ATP5PF: variants seen among roughly 807,000 people sequenced by gnomAD.
ATP5PF encodes ATP synthase peripheral stalk subunit F6, mitochondrial.
In ATP5PF, 7 loss-of-function variants were observed where a neutral mutation model predicts 12.0. The ratio of observed to expected loss-of-function variants is 0.58; its 90% confidence interval spans 0.33 to 1.10. ATP5PF has a LOEUF of 1.10. ATP5PF is among the 50% of genes least tolerant of loss of function. The pLI is 0.03. For synonymous variants in ATP5PF, 41 were observed against 45.4 expected, an observed-to-expected ratio of 0.90 and a Z score of 0.39; for missense variants, 120 against 127.7, an observed-to-expected ratio of 0.94 and a Z score of 0.29.
Position 25,725,330 on chromosome 21 carries a change from T to C in ATP5PF, c.185A>G (p.Asp62Gly). The C allele has an allele frequency of 6.2e-7, 1 of 1,606,206 alleles. No individual in the cohort carries two copies. The highest frequency in any genetic ancestry group is 1.7e-5 in the Admixed American group (1 of 57,864). The change falls in exon 3 of 4, where the codon GAT (aspartate) becomes GGT (glycine). Residue 62 changes from aspartate (D) to glycine (G), a missense_variant. Physicochemically the swap from Asp to Gly is moderately conservative, Grantham distance 94 (BLOSUM62 -1). Transcript: ENST00000284971. ...SKRQTSGGPVDASSEYQQELE... is the reference protein window; with the variant it reads ...SKRQTSGGPVGASSEYQQELE... The stretch of plus-strand genomic sequence containing the variant: ...CTCTTGCTGATACTCTGAACTAGCA[T>C]CAACAGGTCCTCCAGATGTCCTGTT...
At chr21:25,728,621 A>T (rs181858665) in intron 2 of ATP5PF, among the ~76,000 whole-genome samples, 38 of 152,344 alleles carry the variant, frequency 2.5e-4, no homozygotes, top group Admixed American at 2.4e-3. Context: ...TGCTATAAGG[A>T]AAATGATGTG....
chr21:25,731,428 C>T (rs1466437652), intron 1 of ATP5PF, among the ~76,000 whole-genome samples: 1 of 151,418 alleles, frequency 6.6e-6, no homozygotes, highest in Admixed American at 6.6e-5. Context: ...CAGACAGGGT[C>T]TCACTCTGTT....
upstream of ATP5PF, chr21:25,734,966 C>T (rs369659239): frequency 6.4e-7 from 1 of 1,568,638 alleles, no homozygotes. Flanking sequence ...TATGGGCCGC[C>T]GTTTCAGTCG....
Position 25,729,719 on chromosome 21 carries a change from C to T in ATP5PF, c.76G>A (p.Gly26Ser). ...AVSVHLRRNI[G>S]VTAVAFNKEL... ...TTATTAAATGCCACTGCTGTAACAC[C>T]AATGTTCCTCCGCAAATGGACTGAG... The change falls in exon 2 of 4, where the codon GGT (glycine) becomes AGT (serine). Residue 26 changes from glycine to serine, a missense_variant. Physicochemically the swap from Gly to Ser is moderately conservative, Grantham distance 56. Transcript: ENST00000284971. The T allele has an allele frequency of 6.2e-7, 1 of 1,613,844 alleles. No homozygotes were observed. The highest frequency in any genetic ancestry group is 8.5e-7 in the Non-Finnish European group (1 of 1,179,988).
intron 3 of ATP5PF, chr21:25,724,979 G>A: frequency 1.7e-6 from 1 of 597,374 alleles, no homozygotes; most frequent in Non-Finnish European, 2.8e-6. Flanking sequence ...AGCTGAAAGT[G>A]ATTATAAGGA....
In ATP5PF at chr21:25,729,589, T is replaced by A. The variant is rs1324116203; in HGVS notation, c.164+42A>T. The A allele has an allele frequency of 3.1e-6, 3 of 978,710 alleles. No individual in the cohort carries two copies. The African/African-American group carries it at 1.3e-4, about 43-fold the overall frequency. The allele number at this position is 978,710 out of a possible 1,614,324, so 60.6% of individuals were successfully genotyped here. ...TATTACCACCTTGAAACTTACATAC[T>A]TTGAATATTTATATTTACACTGTAG... On this transcript the variant is annotated intron_variant, in intron 2 of 3. Transcript: ENST00000284971.
intron 2 of ATP5PF, among the ~76,000 whole-genome samples, chr21:25,725,652 A>G (rs1414748454): frequency 6.6e-6 from 1 of 152,056 alleles, no homozygotes; most frequent in Non-Finnish European, 1.5e-5. Flanking sequence ...GTTAACCAGG[A>G]TGGTCTCGAT....
At chr21:25,727,512 T>C (rs2034648750) in intron 2 of ATP5PF, among the ~76,000 whole-genome samples, 2 of 152,340 alleles carry the variant, frequency 1.3e-5, no homozygotes, top group South Asian at 4.1e-4. Flanking sequence ...ATGAGAAAAC[T>C]GTCCTACAGA....
intron 1 of ATP5PF, among the ~76,000 whole-genome samples, chr21:25,732,648 A>C (rs2123456077): frequency 6.7e-6 from 1 of 150,012 alleles, no homozygotes; most frequent in Non-Finnish European, 1.5e-5. Context: ...CCTGTCTCAA[A>C]AAAAAAAAAA....
rs1228465206 is a variant in ATP5PF, at chr21:25,733,047, C to G, written c.-8+1806G>C. Among the ~76,000 whole-genome samples, 4 of 142,918 alleles carry G rather than the reference C, an allele frequency of 2.8e-5. 1 individual carries two copies. The highest frequency in any genetic ancestry group is 1.0e-4 in the African/African-American group (4 of 38,610). 93.8% of individuals were successfully genotyped at this position (142,918 alleles called of 152,430 possible). A position where few individuals can be genotyped will look rare whatever the true frequency, so the allele number is the denominator to read the frequency against. On this transcript the variant is annotated intron_variant, in intron 1 of 3. Coordinates refer to ENST00000284971, the MANE Select transcript of ATP5PF (RefSeq NM_001003703.2). ...CTATCAATGCAATCAACAAAATATG[C>G]TTCACCTGACAGAATGAAAGCAAAC... is the stretch of plus-strand genomic sequence containing the variant.
chr21:25,725,548 T>C (rs971534297), intron 2 of ATP5PF, among the ~76,000 whole-genome samples, 198 bp from the exon 3 acceptor site: 7 of 152,094 alleles, frequency 4.6e-5, no homozygotes, highest in African/African-American at 1.4e-4. Flanking sequence ...CAAGCGATTC[T>C]CCTGTCTCAG....
chr21:25,731,436 G>A lies in ATP5PF; in HGVS notation c.-7-1635C>T, dbSNP rs1568930677. Reference sequence around the variant, plus strand: ...TTTTTTTCAGACAGGGTCTCACTCTGTTGCCCAGAATGAACACGGCTCACT... The same window carrying A: ...TTTTTTTCAGACAGGGTCTCACTCTATTGCCCAGAATGAACACGGCTCACT... On this transcript the variant is annotated intron_variant, in intron 1 of 3. Transcript: ENST00000284971. 4.6e-5 allele frequency among the ~76,000 whole-genome samples: 7 copies of A among 151,276 alleles called. 1 individual carries two copies. The South Asian group carries it at 1.5e-3, about 32-fold the overall frequency.
In ATP5PF at chr21:25,732,714, C is replaced by T. The variant is rs187399010; in HGVS notation, c.-8+2139G>A. 4.8e-3 allele frequency among the ~76,000 whole-genome samples: 725 copies of T among 151,534 alleles called. 5 individuals carry two copies. Among genetic ancestry groups the T allele is most frequent in the Non-Finnish European group, 7.7e-3 (524 of 67,876 alleles). On this transcript the variant is annotated intron_variant, in intron 1 of 3. Coordinates refer to ENST00000284971, the MANE Select transcript of ATP5PF (RefSeq NM_001003703.2). ...GGCGTGATGGCTCACGCCTGTAATC[C>T]CAGCACTTTGTTGTAATCCCAGCAC...
upstream of ATP5PF, chr21:25,734,968 T>C: frequency 6.4e-7 from 1 of 1,567,428 alleles, no homozygotes; most frequent in Non-Finnish European, 8.6e-7. Context: ...TGGGCCGCCG[T>C]TTCAGTCGGT....
intron 1 of ATP5PF, among the ~76,000 whole-genome samples, chr21:25,734,164 T>C (rs2034909547): frequency 6.6e-6 from 1 of 152,156 alleles, no homozygotes; most frequent in Admixed American, 6.5e-5. Flanking sequence ...AGCTGTGAAA[T>C]ACCACCTGAC....
chr21:25,733,100 CAT>C lies in ATP5PF; in HGVS notation c.-8+1751_-8+1752del, dbSNP rs537638487. ...TTTGAAGAAATTAAAGAATTCATAACATATCACTTTTATACCCCATCAGGGAA... is the reference window on the plus strand; with the variant it reads ...TTTGAAGAAATTAAAGAATTCATAACATCACTTTTATACCCCATCAGGGAA... On this transcript the variant is annotated intron_variant, in intron 1 of 3. Transcript: ENST00000284971. 1.4e-3 allele frequency among the ~76,000 whole-genome samples: 211 copies of C among 146,982 alleles called. No homozygotes were observed. In the Middle Eastern group the frequency reaches 0.018, roughly 13 times the overall value.
At chr21:25,729,534 G>T in intron 2 of ATP5PF, 97 bp downstream of exon 2, 1 of 1,158,074 alleles carries the variant, frequency 8.6e-7, no homozygotes, top group Non-Finnish European at 1.2e-6. Context: ...CTCAGTGAAG[G>T]TCTAATACTT....
rs185406452 is a variant in ATP5PF at position 25,732,833 on chromosome 21, A to G, written c.-8+2020T>C. 6.5e-3 allele frequency among the ~76,000 whole-genome samples: 983 copies of G among 151,666 alleles called. 6 individuals carry two copies. The highest frequency in any genetic ancestry group is 0.041 in the Middle Eastern group (12 of 294). On this transcript the variant is annotated intron_variant, in intron 1 of 3. Transcript: ENST00000284971. The stretch of plus-strand genomic sequence containing the variant: ...ACCCCGTCTCTACCAAAAATACAAA[A>G]TTAGCCGGGAGTGGTGGCACATGCC...
chr21:25,728,631 G>A (rs546971816), intron 2 of ATP5PF, among the ~76,000 whole-genome samples: 1 of 152,280 alleles, frequency 6.6e-6, no homozygotes, highest in Non-Finnish European at 1.5e-5. Context: ...AAAATGATGT[G>A]AGTAAATTCT....
Sources: allele counts gnomAD v4.1 joint callset (sites outside exome capture counted in the v4.1 genomes callset), GRCh38; gene constraint gnomAD v4.1.1; transcripts MANE v1.5; gene names NCBI Gene and HGNC (gene_info 2026-07-23, HGNC 2026-07-21).